The following RERE variants were observed in gnomAD, a reference collection of about 807,000 sequenced individuals.
The protein encoded by RERE is arginine-glutamic acid dipeptide repeats.
A neutral mutation model predicts 146.1 loss-of-function variants in RERE; 40 were observed. The observed-to-expected ratio is 0.27, with a 90% CI of 0.21 to 0.36. The LOEUF (loss-of-function observed/expected upper bound fraction) is 0.36. RERE is among the 10% of genes least tolerant of loss of function. The pLI is 1.00. For synonymous variants in RERE, 1,003 were observed against 866.0 expected (o/e 1.16, Z -2.78); for missense variants, 1,933 against 2,138.7 (o/e 0.90, Z 1.90).
intron 1 of RERE, among the ~76,000 whole-genome samples, chr1:8,791,367 TGTTC>T (rs1641360871): frequency 6.6e-6 from 1 of 152,258 alleles, no homozygotes; most frequent in African/African-American, 2.4e-5. Context: ...TTTTCATATC[TGTTC>T]CCCACTTTTC....
intron 10 of RERE, among the ~76,000 whole-genome samples, chr1:8,470,101 T>G (rs759853130): frequency 1.4e-4 from 22 of 152,212 alleles, no homozygotes; most frequent in Admixed American, 2.6e-4. Flanking sequence ...ACCTGTTGTC[T>G]GGCTGGCCTC....
At position 8,546,047 on chromosome 1, in the gene RERE, C is replaced by T. The variant is rs1164816216; in HGVS notation, c.726-4729G>A. On this transcript the variant is annotated intron_variant, in intron 6 of 22. Transcript: ENST00000400908. ...CTCTGTCACTTGGGCTGAAGTGCAG[C>T]GGTTTGATCTCAGCTCACTGAAGAC... Among the ~76,000 whole-genome samples, 3 of 122,646 alleles carry T rather than the reference C, an allele frequency of 2.4e-5. No homozygotes were observed. The Admixed American group carries it at 3.2e-4, about 13-fold the overall frequency. The allele number at this position is 122,646 out of a possible 152,430, so 80.5% of individuals were successfully genotyped here.
chr1:8,660,560 T>C (rs1048787056), intron 1 of RERE, among the ~76,000 whole-genome samples: 17 of 152,316 alleles, frequency 1.1e-4, no homozygotes, highest in African/African-American at 3.6e-4. Context: ...GGGCACGAAG[T>C]AGGATTCCAG....
chr1:8,363,883 A>C, intron 15 of RERE, 173 bp downstream of exon 15: 1 of 635,008 alleles, frequency 1.6e-6, no homozygotes, highest in Non-Finnish European at 2.7e-6. Context: ...AGGAGAGAAC[A>C]GAGAACTCTT....
intron 3 of RERE, among the ~76,000 whole-genome samples, chr1:8,617,692 G>A (rs993325956): frequency 6.6e-6 from 1 of 152,128 alleles, no homozygotes; most frequent in Non-Finnish European, 1.5e-5. Flanking sequence ...AATCATCATA[G>A]CGTAAGGCAT....
At chr1:8,434,512 A>G (rs1428938205) in intron 11 of RERE, 1 of 152,224 alleles carries the variant, frequency 6.6e-6, no homozygotes. Context: ...GGCCACTCCA[A>G]TACAGATTCC....
At chr1:8,400,219 CAT>C (rs139951538) in intron 12 of RERE, among the ~76,000 whole-genome samples, 13 of 140,662 alleles carry the variant, frequency 9.2e-5, no homozygotes, top group African/African-American at 1.7e-4. Context: ...ATTCCTGTGT[CAT>C]ATGTGTGTGT....
chr1:8,777,942 T>C (rs529333561), intron 1 of RERE, among the ~76,000 whole-genome samples: 2 of 152,144 alleles, frequency 1.3e-5, no homozygotes, highest in Admixed American at 1.3e-4. Context: ...AGGCCAAATG[T>C]TGTATTACTA....
rs1268893065 is a variant in RERE, at chr1:8,635,977, C to CTTATCTTATTTTATT, written c.326-11598_326-11597insAATAAAATAAGATAA. Among the ~76,000 whole-genome samples the CTTATCTTATTTTATT allele has an allele frequency of 4.2e-4, 58 of 136,824 alleles. 1 individual carries two copies. Among genetic ancestry groups the CTTATCTTATTTTATT allele is most frequent in the South Asian group, 6.7e-4 (3 of 4,466 alleles). The allele number at this position is 136,824 out of a possible 152,430, so 89.8% of individuals were successfully genotyped here. A position where few individuals can be genotyped will look rare whatever the true frequency, so the allele number is the denominator to read the frequency against. On this transcript the variant is annotated intron_variant, in intron 2 of 22. Transcript: ENST00000400908. ...CTTATCTTATCTTATCTTATCTTAT[C>CTTATCTTATTTTATT]TTATTTTATTTTATTTTATTTTATT...
At chr1:8,404,652 A>G (rs1037229033) in intron 12 of RERE, among the ~76,000 whole-genome samples, 1 of 152,240 alleles carries the variant, frequency 6.6e-6, no homozygotes, top group Non-Finnish European at 1.5e-5. Context: ...ATTGTTGACT[A>G]AACTACTTCC....
At chr1:8,473,725 G>A (rs1315353090) in intron 10 of RERE, among the ~76,000 whole-genome samples, 1 of 152,224 alleles carries the variant, frequency 6.6e-6, no homozygotes, top group Non-Finnish European at 1.5e-5. Context: ...CAGTTGAGTT[G>A]AGGTTTTCAT....
intron 1 of RERE, among the ~76,000 whole-genome samples, chr1:8,685,744 C>A (rs1465997867): frequency 6.6e-6 from 1 of 152,100 alleles, no homozygotes. Context: ...TCAGGTGGTA[C>A]AATGTATAAA....
At chr1:8,487,475 G>A (rs1459506840) in intron 10 of RERE, among the ~76,000 whole-genome samples, 1 of 152,108 alleles carries the variant, frequency 6.6e-6, no homozygotes, top group Non-Finnish European at 1.5e-5. Flanking sequence ...CTACTTGGGA[G>A]GCTCAGACAG....
chr1:8,372,965 G>A (rs973803325), intron 12 of RERE, among the ~76,000 whole-genome samples: 14 of 152,200 alleles, frequency 9.2e-5, no homozygotes, highest in African/African-American at 3.4e-4. Flanking sequence ...GGCAGGCCTG[G>A]AAGCTTCTCA....
At chr1:8,561,921 C>A (rs903191480) in intron 4 of RERE, among the ~76,000 whole-genome samples, 1 of 152,210 alleles carries the variant, frequency 6.6e-6, no homozygotes, top group Non-Finnish European at 1.5e-5. Context: ...TCATGCGATT[C>A]AAGCAAAACT....
rs1431354967 is a variant in RERE at position 8,371,727 on chromosome 1, G to A, written c.1285-5753C>T. On this transcript the variant is annotated intron_variant, in intron 12 of 22. Coordinates refer to ENST00000400908, the MANE Select transcript of RERE (RefSeq NM_001042681.2). ...CAGGTCTTTAAGAGCTCCCTCCGCC[G>A]CCTGGGCAATCTGGGCTGGAGCAAC... Among the ~76,000 whole-genome samples the A allele has an allele frequency of 3.3e-5, 5 of 152,194 alleles. No homozygotes were observed. The South Asian group carries it at 6.2e-4, about 19-fold the overall frequency.
rs2124346625 is a variant in RERE, at chr1:8,352,470, G to T, written c.*2617C>A. 1 of 152,534 alleles carries T rather than the reference G, an allele frequency of 6.6e-6. No homozygotes were observed. The highest frequency in any genetic ancestry group is 1.5e-5 in the Non-Finnish European group (1 of 68,026). The allele number at this position is 152,534 out of a possible 1,614,324, so 9.4% of individuals were successfully genotyped here. Reference sequence around the variant, plus strand: ...AAAAAAATTACAAAATACTCAAATGGAGAGAACACAGAAGTCACGATTTCT... The same window carrying T: ...AAAAAAATTACAAAATACTCAAATGTAGAGAACACAGAAGTCACGATTTCT... On this transcript the variant is annotated 3_prime_UTR_variant, in exon 23 of 23. Transcript: ENST00000400908.
At chr1:8,462,448 C>T (rs1049340336) in intron 11 of RERE, among the ~76,000 whole-genome samples, 1 of 152,192 alleles carries the variant, frequency 6.6e-6, no homozygotes, top group African/African-American at 2.4e-5. Flanking sequence ...GCACTGGCCG[C>T]GGGATGGGCC....
At chr1:8,637,323 T>A (rs1451709495) in intron 2 of RERE, among the ~76,000 whole-genome samples, 1 of 152,186 alleles carries the variant, frequency 6.6e-6, no homozygotes, top group Admixed American at 6.5e-5. Context: ...GCAGACTGCC[T>A]GGCATTCTTT....
Sources: gnomAD v4.1 joint callset for allele counts (sites outside exome capture counted in the v4.1 genomes callset) on GRCh38, gnomAD v4.1.1 for gene constraint, MANE v1.5 for transcripts, NCBI Gene and HGNC (gene_info 2026-07-23, HGNC 2026-07-21) for gene names.